The following GRIK2 variants were observed in gnomAD, a reference collection of about 807,000 sequenced individuals.
GRIK2 encodes the protein glutamate receptor ionotropic, kainate 2.
A neutral mutation model predicts 100.3 loss-of-function variants in GRIK2; 32 were observed. The observed-to-expected ratio is 0.32, with a 90% CI of 0.24 to 0.43. The LOEUF (loss-of-function observed/expected upper bound fraction) is 0.43. GRIK2 is among the 20% of genes least tolerant of loss of function. The probability of loss-of-function intolerance (pLI) is 1.00; values close to 1 mark genes in which losing one functional copy is unlikely to be tolerated. For synonymous variants in GRIK2, 417 were observed against 389.4 expected, an observed-to-expected ratio of 1.07 and a Z score of -0.83; for missense variants, 843 against 1,114.9, an observed-to-expected ratio of 0.76 and a Z score of 3.47.
At chr6:101,402,125 C>T (rs1225419422) in intron 2 of GRIK2, among the ~76,000 whole-genome samples, 1 of 152,118 alleles carries the variant, frequency 6.6e-6, no homozygotes, top group African/African-American at 2.4e-5. Flanking sequence ...GGGCAGCCCC[C>T]GCTTAGAGTG....
chr6:101,975,663 G>A (rs1477137319), intron 14 of GRIK2, among the ~76,000 whole-genome samples: 2 of 151,994 alleles, frequency 1.3e-5, no homozygotes, highest in South Asian at 4.2e-4. Flanking sequence ...AAGTGGAAAA[G>A]GCCTAAGAGT....
intron 12 of GRIK2, among the ~76,000 whole-genome samples, chr6:101,899,109 T>TG (rs1562473826): frequency 6.6e-6 from 1 of 150,852 alleles, no homozygotes; most frequent in Non-Finnish European, 1.5e-5. Context: ...TTTGTTTTTT[T>TG]TTTTTTTAAG....
At chr6:101,667,509 A>G (rs1770117821) in intron 4 of GRIK2, among the ~76,000 whole-genome samples, 1 of 152,178 alleles carries the variant, frequency 6.6e-6, no homozygotes, top group African/African-American at 2.4e-5. Flanking sequence ...AGAAAAAAAT[A>G]CAGGATTTTA....
At chr6:102,002,464 CAT>C (rs538532229) in intron 14 of GRIK2, among the ~76,000 whole-genome samples, 41 of 148,982 alleles carry the variant, frequency 2.8e-4, no homozygotes, top group Non-Finnish European at 5.1e-4. Flanking sequence ...ATTATATACA[CAT>C]ATGTGTGTAT....
At chr6:101,622,934 A>G (rs1780233091) in intron 3 of GRIK2, among the ~76,000 whole-genome samples, 1 of 151,982 alleles carries the variant, frequency 6.6e-6, no homozygotes, top group South Asian at 2.1e-4. Context: ...CTTTTCTTAT[A>G]TATGTAGATA....
At chr6:101,889,130 A>C (rs565817866) in intron 11 of GRIK2, among the ~76,000 whole-genome samples, 1 of 152,138 alleles carries the variant, frequency 6.6e-6, no homozygotes, top group Admixed American at 6.6e-5. Context: ...TTCAAACAAT[A>C]TTTTAACTAT....
chr6:101,597,550 A>G (rs1426567521), intron 2 of GRIK2, among the ~76,000 whole-genome samples: 2 of 151,900 alleles, frequency 1.3e-5, no homozygotes, highest in East Asian at 3.9e-4. Context: ...TGTAAACCTC[A>G]TGAGCACAGG....
At chr6:101,766,814 G>A (rs1233128348) in intron 7 of GRIK2, among the ~76,000 whole-genome samples, 1 of 152,196 alleles carries the variant, frequency 6.6e-6, no homozygotes, top group Non-Finnish European at 1.5e-5. Context: ...ACAGAACAAT[G>A]CTTGTGGAAA....
At chr6:101,612,882 G>T (rs1779743748) in intron 2 of GRIK2, among the ~76,000 whole-genome samples, 1 of 151,550 alleles carries the variant, frequency 6.6e-6, no homozygotes, top group African/African-American at 2.4e-5. Context: ...TATGACTGGG[G>T]AAGTGGGAGT....
chr6:101,645,439 G>C (rs941010308), intron 4 of GRIK2, among the ~76,000 whole-genome samples: 8 of 151,728 alleles, frequency 5.3e-5, no homozygotes, highest in African/African-American at 1.9e-4. Flanking sequence ...AGGTTGTTTT[G>C]AATCTCATAT....
At position 101,653,391 on chromosome 6, in the gene GRIK2, C is replaced by T. The variant is rs531676694; in HGVS notation, c.542-23232C>T. On this transcript the variant is annotated intron_variant, in intron 4 of 16. Transcript: ENST00000369134. ...CCAGCCTCTGCTTACTCCTCACCCCCACCCTGCGCCCTCACTCCCCACCAC... is the reference window on the plus strand; with the variant it reads ...CCAGCCTCTGCTTACTCCTCACCCCTACCCTGCGCCCTCACTCCCCACCAC... 1.3e-3 allele frequency among the ~76,000 whole-genome samples: 194 copies of T among 152,062 alleles called. 1 individual carries two copies. The highest frequency in any genetic ancestry group is 4.3e-3 in the African/African-American group (179 of 41,502).
intron 7 of GRIK2, among the ~76,000 whole-genome samples, chr6:101,693,998 C>T (rs892977252): frequency 2.6e-5 from 4 of 151,998 alleles, no homozygotes; most frequent in Non-Finnish European, 5.9e-5. Flanking sequence ...AAGGAGGGCC[C>T]CTCAAGGACA....
intron 10 of GRIK2, among the ~76,000 whole-genome samples, chr6:101,826,782 T>C (rs531145602): frequency 6.6e-6 from 1 of 151,370 alleles, no homozygotes; most frequent in South Asian, 2.1e-4. Context: ...TAGCATACCA[T>C]TTAAAAAAAA....
intron 7 of GRIK2, among the ~76,000 whole-genome samples, chr6:101,766,161 T>C (rs1316419733): frequency 6.6e-6 from 1 of 152,072 alleles, no homozygotes; most frequent in Non-Finnish European, 1.5e-5. Context: ...CATATTTGCC[T>C]GATATATTTT....
At chr6:101,954,179 G>T (rs1307284349) in intron 14 of GRIK2, among the ~76,000 whole-genome samples, 1 of 152,086 alleles carries the variant, frequency 6.6e-6, no homozygotes, top group Admixed American at 6.5e-5. Context: ...AAGATCATCA[G>T]TTTCCTTTTT....
intron 2 of GRIK2, among the ~76,000 whole-genome samples, chr6:101,564,133 G>A (rs1244405351): frequency 1.3e-5 from 2 of 152,134 alleles, no homozygotes; most frequent in African/African-American, 4.8e-5. Context: ...GTCTCCTCAA[G>A]TCACGTTTAA....
chr6:101,745,416 T>C (rs1776364184), intron 7 of GRIK2, among the ~76,000 whole-genome samples: 1 of 152,172 alleles, frequency 6.6e-6, no homozygotes, highest in Non-Finnish European at 1.5e-5. Context: ...GGCATTCTAT[T>C]GATGATTACC....
intron 14 of GRIK2, among the ~76,000 whole-genome samples, chr6:101,984,414 A>C (rs1028261107): frequency 6.6e-6 from 1 of 151,622 alleles, no homozygotes. Flanking sequence ...TGTCCCCTCA[A>C]AAAATCCATC....
At chr6:101,452,304 C>T (rs1345535230) in intron 2 of GRIK2, among the ~76,000 whole-genome samples, 2 of 151,858 alleles carry the variant, frequency 1.3e-5, no homozygotes, top group Admixed American at 6.6e-5. Flanking sequence ...CCTAATAACA[C>T]TTTAAGAATA....
Sources: allele counts gnomAD v4.1 joint callset (sites outside exome capture counted in the v4.1 genomes callset), GRCh38; gene constraint gnomAD v4.1.1; transcripts MANE v1.5; gene names NCBI Gene and HGNC (gene_info 2026-07-23, HGNC 2026-07-21).